TENM3: variants seen among roughly 807,000 people sequenced by gnomAD.
TENM3 encodes the protein teneurin transmembrane protein 3, also known as teneurin-3.
Under a neutral mutation model 255.1 loss-of-function variants are expected in TENM3, and 63 were observed. The observed-to-expected ratio is 0.25, with a 90% confidence interval of 0.20 to 0.30. TENM3 has a LOEUF of 0.30. TENM3 is among the 10% of genes least tolerant of loss of function. The pLI is 1.00. For missense variants in TENM3, 2,929 were observed against 3,461.1 expected (o/e 0.85, Z 3.86); for synonymous variants, 1,306 against 1,322.3 (o/e 0.99, Z 0.27).
the TENM3 span, among the ~76,000 whole-genome samples, chr4:181,658,657 A>G: frequency 6.6e-6 from 1 of 152,210 alleles, no homozygotes; most frequent in African/African-American, 2.4e-5. Flanking sequence ...TGGAGCAGAG[A>G]GCATTTTGGA....
At chr4:182,522,560 C>T (rs959253826) in intron 3 of TENM3, among the ~76,000 whole-genome samples, 8 of 152,238 alleles carry the variant, frequency 5.3e-5, no homozygotes, top group Non-Finnish European at 7.4e-5. Flanking sequence ...ATATATACCA[C>T]GTTTTCTTTC....
At chr4:181,589,037 G>A in the TENM3 span, among the ~76,000 whole-genome samples, 14 of 152,100 alleles carry the variant, frequency 9.2e-5, no homozygotes, top group African/African-American at 2.2e-4. Context: ...AAGGAAGAGC[G>A]CCTTGAGTGT....
chr4:182,139,477 G>T (rs1279767308), upstream of TENM3, among the ~76,000 whole-genome samples: 1 of 152,186 alleles, frequency 6.6e-6, no homozygotes, highest in Non-Finnish European at 1.5e-5. Flanking sequence ...CTAAAAAATT[G>T]TCCTGTAGTG....
intron 3 of TENM3, among the ~76,000 whole-genome samples, chr4:182,422,236 G>A (rs1339595884): frequency 6.6e-6 from 1 of 151,690 alleles, no homozygotes; most frequent in African/African-American, 2.4e-5. Context: ...AGTGTAGACT[G>A]TAGTGTTAGA....
the TENM3 span, among the ~76,000 whole-genome samples, chr4:181,976,977 C>A: frequency 6.6e-6 from 1 of 152,324 alleles, no homozygotes; most frequent in African/African-American, 2.4e-5. Flanking sequence ...ATGTGACATA[C>A]ACATCATCTC....
At chr4:182,475,455 G>T (rs1052546349) in intron 3 of TENM3, among the ~76,000 whole-genome samples, 2 of 151,814 alleles carry the variant, frequency 1.3e-5, no homozygotes, top group Non-Finnish European at 2.9e-5. Flanking sequence ...TTACTCAACA[G>T]AATGACTTGA....
chr4:182,762,383 A>G (rs1418088791), intron 22 of TENM3, among the ~76,000 whole-genome samples: 1 of 152,158 alleles, frequency 6.6e-6, no homozygotes, highest in Non-Finnish European at 1.5e-5. Context: ...CTTCCCTTAC[A>G]CGGTGATTGT....
chr4:182,536,445 T>TC (rs1377848965), intron 3 of TENM3, among the ~76,000 whole-genome samples: 2 of 152,240 alleles, frequency 1.3e-5, no homozygotes, highest in East Asian at 3.8e-4. Context: ...CTTTTTAGCT[T>TC]CAGTGAAATT....
the TENM3 span, among the ~76,000 whole-genome samples, chr4:182,016,644 C>T: frequency 6.6e-6 from 1 of 152,072 alleles, no homozygotes; most frequent in South Asian, 2.1e-4. Flanking sequence ...TACTTGCTTG[C>T]CAGAGCATTG....
the TENM3 span, among the ~76,000 whole-genome samples, chr4:181,936,878 G>A: frequency 6.6e-5 from 10 of 152,132 alleles, no homozygotes; most frequent in South Asian, 2.1e-4. Flanking sequence ...GGCTCTAGGC[G>A]CAAAGGGGGA....
chr4:182,227,062 C>A (rs1354003859), intron 1 of TENM3, among the ~76,000 whole-genome samples: 1 of 152,146 alleles, frequency 6.6e-6, no homozygotes, highest in Non-Finnish European at 1.5e-5. Flanking sequence ...CATCCAGCAA[C>A]CTCTATCTCT....
chr4:181,666,630 T>C, the TENM3 span, among the ~76,000 whole-genome samples: 23 of 152,186 alleles, frequency 1.5e-4, no homozygotes, highest in African/African-American at 5.5e-4. Flanking sequence ...AATGTACTAC[T>C]TTGAAGCTTG....
the TENM3 span, among the ~76,000 whole-genome samples, chr4:181,757,269 G>A: frequency 2.6e-5 from 4 of 152,150 alleles, no homozygotes; most frequent in Admixed American, 6.5e-5. Flanking sequence ...TTGTAATAGC[G>A]TGGGGAGAGT....
the TENM3 span, among the ~76,000 whole-genome samples, chr4:181,727,669 A>G: frequency 6.6e-6 from 1 of 152,222 alleles, no homozygotes; most frequent in Non-Finnish European, 1.5e-5. Flanking sequence ...GATTTACTAC[A>G]ATACTTTCAA....
the TENM3 span, among the ~76,000 whole-genome samples, chr4:182,018,127 A>C: frequency 6.6e-6 from 1 of 152,194 alleles, no homozygotes; most frequent in African/African-American, 2.4e-5. Context: ...CAGATAACTT[A>C]CCGTGTATGA....
intron 3 of TENM3, among the ~76,000 whole-genome samples, chr4:182,473,329 G>A (rs778416456): frequency 1.3e-5 from 2 of 152,122 alleles, no homozygotes; most frequent in African/African-American, 4.8e-5. Context: ...GTTATAATCT[G>A]TACACACTTG....
At chr4:182,416,087 T>C (rs74743138) in intron 3 of TENM3, among the ~76,000 whole-genome samples, 2,649 of 152,326 alleles carry the variant, frequency 0.017, 86 homozygotes, top group African/African-American at 0.061. Context: ...TATGGTTAGT[T>C]GCTATAATAT....
chr4:181,579,057 G>A, the TENM3 span, among the ~76,000 whole-genome samples: 40 of 152,224 alleles, frequency 2.6e-4, no homozygotes, highest in African/African-American at 9.4e-4. Flanking sequence ...TCCCTGCCTG[G>A]GCTTCCTGAT....
chr4:182,784,206 T>C (rs2152815725), intron 24 of TENM3, among the ~76,000 whole-genome samples: 1 of 152,332 alleles, frequency 6.6e-6, no homozygotes, highest in African/African-American at 2.4e-5. Flanking sequence ...TGGTCTTTGA[T>C]GACGGTGATG....
Sources: gnomAD v4.1 joint callset for allele counts (sites outside exome capture counted in the v4.1 genomes callset) on GRCh38, gnomAD v4.1.1 for gene constraint, MANE v1.5 for transcripts, NCBI Gene and HGNC (gene_info 2026-07-23, HGNC 2026-07-21) for gene names.